CTNNA2: variants seen among roughly 807,000 people sequenced by gnomAD.
CTNNA2 encodes the protein catenin alpha-2.
A neutral mutation model predicts 101.0 loss-of-function variants in CTNNA2; 42 were observed. That is an observed-to-expected ratio of 0.42 (90% confidence interval 0.32 to 0.54). CTNNA2 has a LOEUF of 0.54. Ranked by LOEUF, CTNNA2 falls within the 20% of genes least tolerant of loss-of-function variation. CTNNA2 has a pLI of 0.14. For synonymous variants in CTNNA2, 450 were observed against 456.4 expected (o/e 0.99, Z 0.18); for missense variants, 871 against 1,223.1 (o/e 0.71, Z 4.29).
chr2:79,731,747 G>C (rs1373099469), intron 2 of CTNNA2, among the ~76,000 whole-genome samples: 1 of 152,022 alleles, frequency 6.6e-6, no homozygotes, highest in African/African-American at 2.4e-5. Flanking sequence ...TCAGACATTT[G>C]AGATATCTTT....
chr2:80,452,435 A>G (rs1230004170), intron 9 of CTNNA2, among the ~76,000 whole-genome samples: 4 of 150,596 alleles, frequency 2.7e-5, no homozygotes, highest in Non-Finnish European at 5.9e-5. Context: ...TGTGTGCCCA[A>G]TAGTTTTTAA....
intron 1 of CTNNA2, among the ~76,000 whole-genome samples, chr2:79,633,509 C>G (rs1216951531): frequency 6.6e-6 from 1 of 152,156 alleles, no homozygotes; most frequent in East Asian, 1.9e-4. Context: ...CAGCCTTAAC[C>G]CATACCTGTA....
At chr2:80,563,038 A>G (rs1257450988) in intron 12 of CTNNA2, among the ~76,000 whole-genome samples, 1 of 143,404 alleles carries the variant, frequency 7.0e-6, no homozygotes, top group Non-Finnish European at 1.5e-5. Flanking sequence ...CCTGTTTGTC[A>G]AAGTACAACC....
At chr2:79,347,353 G>T (rs866922266) in intron 3 of CTNNA2, among the ~76,000 whole-genome samples, 1 of 151,978 alleles carries the variant, frequency 6.6e-6, no homozygotes, top group Non-Finnish European at 1.5e-5. Flanking sequence ...AATTACCTTG[G>T]GTGATTTACT....
At chr2:80,395,421 A>G (rs1677918337) in intron 8 of CTNNA2, among the ~76,000 whole-genome samples, 1 of 152,302 alleles carries the variant, frequency 6.6e-6, no homozygotes, top group East Asian at 1.9e-4. Flanking sequence ...TAAAATGACG[A>G]TGGTCCCCAT....
intron 4 of CTNNA2, among the ~76,000 whole-genome samples, chr2:79,418,783 C>T (rs1314999718): frequency 6.6e-6 from 1 of 152,064 alleles, no homozygotes; most frequent in Non-Finnish European, 1.5e-5. Flanking sequence ...ATTTGGTACT[C>T]AAATTTACTG....
chr2:80,422,338 C>T (rs921374522), intron 9 of CTNNA2, among the ~76,000 whole-genome samples: 1 of 152,126 alleles, frequency 6.6e-6, no homozygotes, highest in African/African-American at 2.4e-5. Flanking sequence ...CACCTGGCAC[C>T]ACCCTTGACA....
chr2:80,019,164 G>A (rs1694368879), intron 7 of CTNNA2, among the ~76,000 whole-genome samples: 1 of 152,152 alleles, frequency 6.6e-6, no homozygotes, highest in African/African-American at 2.4e-5. Flanking sequence ...TTACATAAGG[G>A]ACTTTTTACC....
intron 6 of CTNNA2, among the ~76,000 whole-genome samples, chr2:79,902,482 G>A (rs887926528): frequency 3.3e-5 from 5 of 152,078 alleles, no homozygotes; most frequent in Non-Finnish European, 7.4e-5. Context: ...ATTAATACAG[G>A]TGCCCATACC....
rs895890044 is a variant in CTNNA2, at chr2:79,307,628, C to T, written c.-405-5081C>T. Among the ~76,000 whole-genome samples, 84 of 152,224 alleles carry T rather than the reference C, an allele frequency of 5.5e-4. 1 individual carries two copies. The highest frequency in any genetic ancestry group is 1.9e-3 in the African/African-American group (80 of 41,546). ...TTTTCTTTACCCATCTGTTGTTGGA[C>T]ACCTAGGTTGATTTCCTATTTTAAC... On this transcript the variant is annotated intron_variant, in intron 2 of 21. Transcript: ENST00000466387.
intron 9 of CTNNA2, among the ~76,000 whole-genome samples, chr2:80,494,691 T>G (rs1192301243): frequency 2.0e-5 from 3 of 152,262 alleles, no homozygotes; most frequent in Middle Eastern, 3.4e-3. Flanking sequence ...AGGGACAGTT[T>G]AGCTCATATT....
At chr2:80,476,513 A>G (rs1292184820) in intron 9 of CTNNA2, among the ~76,000 whole-genome samples, 1 of 152,052 alleles carries the variant, frequency 6.6e-6, no homozygotes, top group Non-Finnish European at 1.5e-5. Flanking sequence ...CAAAAAAAGC[A>G]TTTTTCCCAG....
chr2:79,722,530 G>A (rs994993501), intron 2 of CTNNA2, among the ~76,000 whole-genome samples: 4 of 152,228 alleles, frequency 2.6e-5, no homozygotes, highest in South Asian at 4.1e-4. Context: ...CTCTGATATC[G>A]GAGATTATCT....
intron 17 of CTNNA2, among the ~76,000 whole-genome samples, chr2:80,608,724 G>C (rs1193317111): frequency 2.0e-5 from 3 of 151,874 alleles, no homozygotes; most frequent in East Asian, 3.9e-4. Flanking sequence ...TCACATGTTA[G>C]AGATGATGAA....
At chr2:79,888,951 T>G (rs1684096066) in intron 6 of CTNNA2, among the ~76,000 whole-genome samples, 1 of 152,228 alleles carries the variant, frequency 6.6e-6, no homozygotes, top group South Asian at 2.1e-4. Flanking sequence ...AGTGAACTCT[T>G]TATTAGAGCA....
chr2:79,221,791 C>G (rs1674348642), intron 2 of CTNNA2, among the ~76,000 whole-genome samples: 2 of 152,178 alleles, frequency 1.3e-5, no homozygotes, highest in East Asian at 1.9e-4. Context: ...ATAATCTTCT[C>G]TAGTGAGAAA....
At chr2:80,021,069 T>G (rs1488844154) in intron 7 of CTNNA2, among the ~76,000 whole-genome samples, 1 of 149,468 alleles carries the variant, frequency 6.7e-6, no homozygotes, top group Admixed American at 6.7e-5. Flanking sequence ...TGGCGTGATC[T>G]TGGCTCACTG....
intron 7 of CTNNA2, among the ~76,000 whole-genome samples, chr2:79,988,367 C>G (rs182886293): frequency 6.6e-6 from 1 of 152,092 alleles, no homozygotes; most frequent in Non-Finnish European, 1.5e-5. Context: ...TGTCCTCAAA[C>G]CCACTGACCA....
At chr2:79,861,419 G>T (rs1046542770) in intron 4 of CTNNA2, among the ~76,000 whole-genome samples, 1 of 152,154 alleles carries the variant, frequency 6.6e-6, no homozygotes, top group Admixed American at 6.5e-5. Flanking sequence ...GGTTGATGAA[G>T]AATAGTCACT....
Sources: allele counts gnomAD v4.1 joint callset (sites outside exome capture counted in the v4.1 genomes callset), GRCh38; gene constraint gnomAD v4.1.1; transcripts MANE v1.5; gene names NCBI Gene and HGNC (gene_info 2026-07-23, HGNC 2026-07-21).